Variants in AOX1 observed in about 807,000 individuals in gnomAD.
The protein encoded by AOX1 is aldehyde oxidase 1.
Under a neutral mutation model 169.5 loss-of-function variants are expected in AOX1, and 153 were observed. The ratio of observed to expected loss-of-function variants is 0.90; its 90% CI spans 0.79 to 1.03. AOX1 has a LOEUF of 1.03. AOX1 is among the 50% of genes least tolerant of loss of function. The pLI is 0.00. For missense variants in AOX1, 1,656 were observed against 1,663.9 expected (o/e 1.00, Z 0.08); for synonymous variants, 562 against 581.9 (o/e 0.97, Z 0.49).
At chr2:200,628,369 C>T (rs760203302) in intron 20 of AOX1, among the ~76,000 whole-genome samples, 8 of 151,318 alleles carry the variant, frequency 5.3e-5, no homozygotes, top group Non-Finnish European at 7.4e-5. Context: ...ATTCAAATTT[C>T]GCTAGTTGTC....
chr2:200,597,276 G>T, intron 3 of AOX1, 121 bp from the exon 4 acceptor site: 1 of 590,400 alleles, frequency 1.7e-6, no homozygotes, highest in Admixed American at 3.2e-5. Flanking sequence ...AAATGTATGT[G>T]TAAAACCTGG....
rs116065724 is a variant in AOX1, at chr2:200,627,585, A to T, written c.2221+136A>T. On this transcript the variant is annotated intron_variant, in intron 20 of 34. Coordinates refer to ENST00000374700, the MANE Select transcript of AOX1 (RefSeq NM_001159.4). ...CAGGAACAGGCAGAACAGGCACCTCATTCACAAATGTGTTTCCCTCCGTCT... is the reference window on the plus strand; with the variant it reads ...CAGGAACAGGCAGAACAGGCACCTCTTTCACAAATGTGTTTCCCTCCGTCT... 1,005 of 633,734 alleles carry T rather than the reference A, an allele frequency of 1.6e-3. 8 individuals carry two copies. Among genetic ancestry groups the T allele is most frequent in the African/African-American group, 0.011 (607 of 54,606 alleles). 39.3% of individuals were successfully genotyped at this position (633,734 alleles called of 1,614,324 possible).
rs1243220247 is a variant in AOX1 at position 200,613,817 on chromosome 2, C to T, written c.1462C>T (p.Gln488Ter). Residue 488 changes from glutamine to a stop codon, truncating the protein, a stop_gained, in exon 15 of 35, where the codon CAG (glutamine) becomes TAG (stop). Coordinates refer to ENST00000374700, the MANE Select transcript of AOX1 (RefSeq NM_001159.4). LOFTEE classifies it high-confidence loss of function. Reference protein sequence around the residue: ...QKLIGRHWNEQMLDIACRLIL... With the variant: ...QKLIGRHWNE ...TGGACTTTCCAGGCACTGGAACGAA[C>T]AGATGCTGGATATAGCCTGCAGGCT... The T allele has an allele frequency of 6.2e-7, 1 of 1,612,120 alleles. No homozygotes were observed. Among genetic ancestry groups the T allele is most frequent in the South Asian group, 1.1e-5 (1 of 90,890 alleles).
At chr2:200,643,105 C>T (rs1311695809) in intron 25 of AOX1, among the ~76,000 whole-genome samples, 2 of 151,934 alleles carry the variant, frequency 1.3e-5, no homozygotes, top group African/African-American at 2.4e-5. Flanking sequence ...CATCAAGGCC[C>T]TCATTCCCCG....
intron 31 of AOX1, among the ~76,000 whole-genome samples, chr2:200,663,577 C>CTCTCTCTG (rs2035871096): frequency 7.5e-6 from 1 of 133,632 alleles, no homozygotes; most frequent in African/African-American, 2.6e-5. Context: ...CACACACTCT[C>CTCTCTCTG]TCTCTCTCTC....
At chr2:200,670,264 T>A (rs1268438638) in intron 34 of AOX1, among the ~76,000 whole-genome samples, 3 of 152,162 alleles carry the variant, frequency 2.0e-5, no homozygotes, top group Non-Finnish European at 4.4e-5. Context: ...AAGAAAGTCA[T>A]ACTGTTCACA....
At chr2:200,679,784 A>G (rs2036137879), downstream of AOX1, among the ~76,000 whole-genome samples, 1 of 152,156 alleles carries the variant, frequency 6.6e-6, no homozygotes, top group Admixed American at 6.5e-5. Context: ...GGTTCCTATA[A>G]TAAAATAAGA....
intron 19 of AOX1, among the ~76,000 whole-genome samples, chr2:200,624,322 A>G (rs940854285): frequency 6.6e-6 from 1 of 152,214 alleles, no homozygotes; most frequent in Non-Finnish European, 1.5e-5. Flanking sequence ...TAATTAAGCC[A>G]CTTAGGTCAC....
At chr2:200,596,615 T>C (rs1312775331) in intron 3 of AOX1, among the ~76,000 whole-genome samples, 1 of 152,230 alleles carries the variant, frequency 6.6e-6, no homozygotes, top group African/African-American at 2.4e-5. Context: ...ATTCAAAATT[T>C]GTTGGAAGTT....
At chr2:200,586,214 G>C in intron 1 of AOX1, 61 bp downstream of exon 1, 1 of 1,474,902 alleles carries the variant, frequency 6.8e-7, no homozygotes, top group East Asian at 2.6e-5. Context: ...GCAGAGAGGA[G>C]CCCCTGCCGT....
chr2:200,659,786 T>TCACACACACACACA (rs56916091), intron 28 of AOX1, among the ~76,000 whole-genome samples: 10 of 96,216 alleles, frequency 1.0e-4, no homozygotes, highest in African/African-American at 3.4e-4. Flanking sequence ...GTTCTCTCTC[T>TCACACACACACACA]CACACACACA....
rs757912478 is a variant in AOX1, at chr2:200,615,988, T to C, written c.1629T>C (p.Pro543=). The change falls in exon 16 of 35, where the codon CCT becomes CCC. Residue 543 remains proline, a synonymous_variant. Coordinates refer to ENST00000374700, the MANE Select transcript of AOX1 (RefSeq NM_001159.4). The part of the protein sequence containing the change: ...ILKKMDPVHY[P]SLADKYESAL... Reference sequence around the variant, plus strand: ...CTTTTCAGGATCCAGTTCACTATCCTAGCCTTGCAGACAAGTATGAAAGTG... The same window carrying C: ...CTTTTCAGGATCCAGTTCACTATCCCAGCCTTGCAGACAAGTATGAAAGTG... The C allele has an allele frequency of 6.2e-6, 10 of 1,613,328 alleles. No homozygotes were observed. The highest frequency in any genetic ancestry group is 1.7e-5 in the Admixed American group (1 of 59,994).
intron 4 of AOX1, chr2:200,676,839 C>A: frequency 2.2e-6 from 1 of 455,146 alleles, no homozygotes; most frequent in Non-Finnish European, 4.5e-6. Flanking sequence ...ATACAAATGG[C>A]CCCGGAAGCT....
intron 32 of AOX1, 67 bp from the exon 33 acceptor site, chr2:200,668,548 T>G: frequency 1.5e-6 from 2 of 1,370,170 alleles, no homozygotes; most frequent in Non-Finnish European, 2.0e-6. Flanking sequence ...AGCATGAAGT[T>G]GAAATGCTAC....
chr2:200,610,947 G>A (rs1038113865), intron 12 of AOX1, among the ~76,000 whole-genome samples: 8 of 152,172 alleles, frequency 5.3e-5, no homozygotes, highest in Non-Finnish European at 1.2e-4. Flanking sequence ...TCTCCCTCCC[G>A]GGTTCAAGTG....
intron 9 of AOX1, 89 bp downstream of exon 9, chr2:200,604,929 A>T: frequency 8.3e-7 from 1 of 1,200,038 alleles, no homozygotes; most frequent in Non-Finnish European, 1.2e-6. Context: ...CTTCATATAC[A>T]TGTGTTCTCA....
At chr2:200,648,079 C>A (rs1437775945) in intron 25 of AOX1, among the ~76,000 whole-genome samples, 1 of 152,072 alleles carries the variant, frequency 6.6e-6, no homozygotes, top group Non-Finnish European at 1.5e-5. Context: ...CTCCTGAATT[C>A]TTTTTCAGGT....
chr2:200,659,447 G>A (rs1196053215), intron 28 of AOX1, among the ~76,000 whole-genome samples, 154 bp downstream of exon 28: 1 of 152,172 alleles, frequency 6.6e-6, no homozygotes, highest in Non-Finnish European at 1.5e-5. Context: ...TGGTTCTCCT[G>A]TGCTGGAAAT....
At chr2:200,589,752 T>A (rs2034131115) in intron 1 of AOX1, among the ~76,000 whole-genome samples, 1 of 152,196 alleles carries the variant, frequency 6.6e-6, no homozygotes, top group Non-Finnish European at 1.5e-5. Context: ...GAAGCAGTCA[T>A]CCTGCATTAT....
Sources: allele counts gnomAD v4.1 joint callset (sites outside exome capture counted in the v4.1 genomes callset), GRCh38; gene constraint gnomAD v4.1.1; transcripts MANE v1.5; gene names NCBI Gene and HGNC (gene_info 2026-07-23, HGNC 2026-07-21).